Variants in TOX2 observed in about 807,000 individuals in gnomAD.
TOX2 encodes TOX high mobility group box family member 2, also known as granulosa cell HMG box 1.
Under a neutral mutation model 47.4 loss-of-function variants are expected in TOX2, and 15 were observed. The observed-to-expected ratio is 0.32, with a 90% CI of 0.21 to 0.49. The LOEUF (loss-of-function observed/expected upper bound fraction) is 0.49. TOX2 is among the 20% of genes least tolerant of loss of function. TOX2 has a pLI of 0.99. For missense variants in TOX2, 622 were observed against 673.1 expected (o/e 0.92, Z 0.84); for synonymous variants, 290 against 296.6 (o/e 0.98, Z 0.23).
At chr20:43,936,593 G>C (rs947793814) in intron 1 of TOX2, among the ~76,000 whole-genome samples, 4 of 152,096 alleles carry the variant, frequency 2.6e-5, no homozygotes, top group Non-Finnish European at 5.9e-5. Context: ...TGCTGGCTGG[G>C]GGCTGGCTGG....
intron 3 of TOX2, among the ~76,000 whole-genome samples, chr20:44,013,395 T>G (rs2070814754): frequency 6.6e-6 from 1 of 152,214 alleles, no homozygotes; most frequent in Non-Finnish European, 1.5e-5. Context: ...TGTTGGATTC[T>G]CACAAGTTGA....
intron 3 of TOX2, 97 bp downstream of exon 3, chr20:44,006,889 T>C (rs2070693747): frequency 6.8e-7 from 1 of 1,466,952 alleles, no homozygotes; most frequent in East Asian, 2.5e-5. Flanking sequence ...AAGAACTCTC[T>C]GCTCATGGGC....
At chr20:44,063,351 A>G (rs563819220) in intron 5 of TOX2, among the ~76,000 whole-genome samples, 1 of 152,372 alleles carries the variant, frequency 6.6e-6, no homozygotes, top group Admixed American at 6.5e-5. Context: ...AAGAAAATAT[A>G]CAAATGGCCA....
intron 1 of TOX2, among the ~76,000 whole-genome samples, chr20:43,950,990 G>A (rs971563052): frequency 6.6e-6 from 1 of 151,840 alleles, no homozygotes; most frequent in African/African-American, 2.4e-5. Flanking sequence ...GGGGTGAGGG[G>A]GGTTTGTTTC....
chr20:44,038,999 C>T (rs2071287208), intron 3 of TOX2: 1 of 1,206,808 alleles, frequency 8.3e-7, no homozygotes, highest in African/African-American at 1.6e-5. Flanking sequence ...GGAGCGTGGC[C>T]ATATGTTTCC....
intron 2 of TOX2, among the ~76,000 whole-genome samples, chr20:43,998,727 C>G (rs2070523392): frequency 7.2e-6 from 1 of 138,522 alleles, no homozygotes; most frequent in African/African-American, 2.7e-5. Flanking sequence ...ATACATCTAT[C>G]TATCTATCTA....
intron 2 of TOX2, among the ~76,000 whole-genome samples, chr20:44,006,186 C>T (rs550285061): frequency 6.6e-6 from 1 of 152,294 alleles, no homozygotes; most frequent in African/African-American, 2.4e-5. Flanking sequence ...TGCTTTCCTC[C>T]CTGGACCTGA....
At chr20:43,918,877 T>C (rs2069085059) in intron 1 of TOX2, among the ~76,000 whole-genome samples, 1 of 152,214 alleles carries the variant, frequency 6.6e-6, no homozygotes, top group Non-Finnish European at 1.5e-5. Flanking sequence ...AAGACAACAT[T>C]GCCTACCTCT....
intron 3 of TOX2, among the ~76,000 whole-genome samples, chr20:44,020,623 A>G (rs2070960670): frequency 6.6e-6 from 1 of 152,124 alleles, no homozygotes; most frequent in Non-Finnish European, 1.5e-5. Flanking sequence ...TCCTAAGGCC[A>G]GCAGCAGCAG....
At chr20:44,002,524 G>A (rs2070601191) in intron 2 of TOX2, among the ~76,000 whole-genome samples, 1 of 152,152 alleles carries the variant, frequency 6.6e-6, no homozygotes, top group Non-Finnish European at 1.5e-5. Flanking sequence ...GTCATTACCT[G>A]CTTTCTCACA....
chr20:44,012,182 G>T (rs1260476096), intron 3 of TOX2, among the ~76,000 whole-genome samples: 1 of 152,226 alleles, frequency 6.6e-6, no homozygotes, highest in East Asian at 1.9e-4. Flanking sequence ...AATACCCAAA[G>T]AAACTCGAAG....
chr20:43,990,699 C>G (rs1328304528), intron 2 of TOX2, among the ~76,000 whole-genome samples: 2 of 151,976 alleles, frequency 1.3e-5, no homozygotes, highest in African/African-American at 4.8e-5. Flanking sequence ...AGGCCGGGAC[C>G]CTGTTCTGAA....
At chr20:43,937,195 G>A (rs922958417) in intron 1 of TOX2, among the ~76,000 whole-genome samples, 4 of 152,166 alleles carry the variant, frequency 2.6e-5, no homozygotes, top group South Asian at 2.1e-4. Context: ...AAGAGCACGC[G>A]CGAAGGTCCT....
intron 1 of TOX2, among the ~76,000 whole-genome samples, chr20:43,972,221 A>G (rs138335836): frequency 8.7e-4 from 132 of 152,230 alleles, no homozygotes; most frequent in African/African-American, 3.0e-3. Flanking sequence ...ATGTCCCCTA[A>G]GGGCAGCCCA....
chr20:43,960,330 A>G (rs1176293914), intron 1 of TOX2, among the ~76,000 whole-genome samples: 2 of 152,144 alleles, frequency 1.3e-5, no homozygotes, highest in African/African-American at 4.8e-5. Flanking sequence ...GGGCAGCTCC[A>G]TGGTGCCTTT....
At chr20:43,917,205 G>A (rs980531156) in intron 1 of TOX2, among the ~76,000 whole-genome samples, 2 of 152,188 alleles carry the variant, frequency 1.3e-5, no homozygotes, top group African/African-American at 2.4e-5. Context: ...ATTCATTTAG[G>A]GGCTAGAGGT....
intron 2 of TOX2, among the ~76,000 whole-genome samples, chr20:43,975,994 A>G (rs528658266): frequency 6.6e-6 from 1 of 152,342 alleles, no homozygotes; most frequent in Non-Finnish European, 1.5e-5. Flanking sequence ...TTATGCTGTG[A>G]CCCAGAGGGT....
intron 3 of TOX2, 78 bp from the exon 4 acceptor site, chr20:44,051,228 C>T (rs774242799): frequency 1.2e-4 from 177 of 1,517,440 alleles, no homozygotes; most frequent in Non-Finnish European, 1.5e-4. Context: ...ATTCCCTCCT[C>T]TAAGTCCGCT....
intron 3 of TOX2, among the ~76,000 whole-genome samples, chr20:44,043,259 T>C (rs1446628598): frequency 3.3e-5 from 5 of 152,178 alleles, no homozygotes; most frequent in Non-Finnish European, 7.3e-5. Flanking sequence ...TTCCCAGAAC[T>C]CATCACATTT....
Sources: allele counts gnomAD v4.1 joint callset (sites outside exome capture counted in the v4.1 genomes callset), GRCh38; gene constraint gnomAD v4.1.1; transcripts MANE v1.5; gene names NCBI Gene and HGNC (gene_info 2026-07-23, HGNC 2026-07-21).